Variants in DNAH8 observed in about 807,000 individuals in gnomAD.
DNAH8 encodes the protein axonemal beta dynein heavy chain 8.
In DNAH8, 382 loss-of-function variants were observed where a neutral mutation model predicts 562.1. The ratio of observed to expected loss-of-function variants is 0.68; its 90% CI spans 0.63 to 0.74. The LOEUF is 0.74. DNAH8 is among the 30% of genes least tolerant of loss of function. The probability of loss-of-function intolerance (pLI) is 0.00; values close to 1 mark genes in which losing one functional copy is unlikely to be tolerated. For missense variants in DNAH8, 5,203 were observed against 5,620.4 expected (o/e 0.93, Z 2.37); for synonymous variants, 1,881 against 1,919.4 (o/e 0.98, Z 0.52).
intron 82 of DNAH8, among the ~76,000 whole-genome samples, chr6:38,962,259 C>G (rs922565462): frequency 6.6e-6 from 1 of 151,994 alleles, no homozygotes; most frequent in Non-Finnish European, 1.5e-5. Flanking sequence ...GAAACTCAAG[C>G]ATCATTGTTT....
Position 38,853,278 on chromosome 6 carries a change from A to G in DNAH8, c.5664A>G (p.Arg1888=). 6.2e-7 allele frequency: 1 copy of G among 1,613,402 alleles called. No individual in the cohort carries two copies. Residue 1888 remains arginine (R), a synonymous_variant, in exon 41 of 93, where the codon AGA becomes AGG. Transcript: ENST00000327475. ...MQMSSLHNII[R]SAFYQISDSG... is the part of the protein sequence containing the mutation. ...TGTCATCATTACATAATATAATTAGATCCGCTTTCTATCAAATCAGTGATT... is the reference window on the plus strand; with the variant it reads ...TGTCATCATTACATAATATAATTAGGTCCGCTTTCTATCAAATCAGTGATT...
intron 21 of DNAH8, among the ~76,000 whole-genome samples, chr6:38,802,055 C>G (rs557192451): frequency 9.9e-5 from 15 of 151,988 alleles, no homozygotes; most frequent in African/African-American, 3.6e-4. Flanking sequence ...GCCTCAACCT[C>G]CTGAGTAGGT....
chr6:38,776,814 G>T (rs1326473396), intron 13 of DNAH8, among the ~76,000 whole-genome samples: 1 of 152,254 alleles, frequency 6.6e-6, no homozygotes, highest in East Asian at 1.9e-4. Context: ...CACCTTTTGG[G>T]CTATATGACC....
Position 38,728,975 on chromosome 6 carries a change from G to A in DNAH8, c.526-927G>A, listed in dbSNP as rs576867306. Among the ~76,000 whole-genome samples the A allele has an allele frequency of 2.0e-5, 3 of 152,278 alleles. No individual in the cohort carries two copies. In the East Asian group the frequency reaches 5.8e-4, roughly 29 times the overall value. On this transcript the variant is annotated intron_variant, in intron 3 of 92. Coordinates refer to ENST00000327475, the MANE Select transcript of DNAH8 (RefSeq NM_001206927.2). Reference sequence around the variant, plus strand: ...AATCCCGGCATTTTGGGAGGCCAAGGCAGGAGCATCACTTGAGGTCAGTTC... The same window carrying A: ...AATCCCGGCATTTTGGGAGGCCAAGACAGGAGCATCACTTGAGGTCAGTTC...
chr6:38,726,283 A>G (rs1763211209), intron 3 of DNAH8, among the ~76,000 whole-genome samples: 2 of 152,212 alleles, frequency 1.3e-5, no homozygotes, highest in Non-Finnish European at 2.9e-5. Context: ...TGAAAGGGTA[A>G]CTGCTAGAAC....
At chr6:39,027,032 G>A (rs1438751798) in intron 92 of DNAH8, among the ~76,000 whole-genome samples, 1 of 151,946 alleles carries the variant, frequency 6.6e-6, no homozygotes, top group Non-Finnish European at 1.5e-5. Context: ...ACCAGCCTAG[G>A]CAACACTGGG....
chr6:39,005,219 C>T (rs1765727006), intron 88 of DNAH8, among the ~76,000 whole-genome samples: 2 of 152,116 alleles, frequency 1.3e-5, no homozygotes, highest in Admixed American at 6.5e-5. Context: ...CAAGACCAGC[C>T]TTGCCAAAAT....
intron 18 of DNAH8, among the ~76,000 whole-genome samples, chr6:38,787,547 G>A (rs1339886453): frequency 2.6e-5 from 4 of 151,662 alleles, no homozygotes; most frequent in South Asian, 2.1e-4. Context: ...CTAACATGAC[G>A]AAACTGGGTG....
At chr6:38,995,840 A>G (rs916036380) in intron 88 of DNAH8, among the ~76,000 whole-genome samples, 9 of 152,188 alleles carry the variant, frequency 5.9e-5, no homozygotes, top group Non-Finnish European at 1.3e-4. Flanking sequence ...GCCTCTCCTA[A>G]AGGAATGTAC....
At chr6:38,729,182 GAC>G (rs1053274702) in intron 3 of DNAH8, among the ~76,000 whole-genome samples, 2 of 151,556 alleles carry the variant, frequency 1.3e-5, no homozygotes, top group African/African-American at 4.9e-5. Flanking sequence ...CAGCCTGGGT[GAC>G]AGAGCGAAAC....
intron 81 of DNAH8, among the ~76,000 whole-genome samples, chr6:38,950,235 G>GTTA (rs1356205034): frequency 6.6e-6 from 1 of 150,554 alleles, no homozygotes; most frequent in East Asian, 1.9e-4. Context: ...TATGGTGGAT[G>GTTA]GGTAAGGCAG....
At position 38,889,093 on chromosome 6, in the gene DNAH8, G is replaced by A. The variant is rs139978311; in HGVS notation, c.8474-1559G>A. On this transcript the variant is annotated intron_variant, in intron 57 of 92. Coordinates refer to ENST00000327475, the MANE Select transcript of DNAH8 (RefSeq NM_001206927.2). ...TATACAAAAATGCTCATAGTGCAGC[G>A]TACACAATGGCAAAAACGTGAAATA... 1.2e-3 allele frequency among the ~76,000 whole-genome samples: 186 copies of A among 152,250 alleles called. 1 individual carries two copies. Among genetic ancestry groups the A allele is most frequent in the African/African-American group, 4.1e-3 (172 of 41,534 alleles).
At chr6:38,903,768 C>T (rs187720912) in intron 62 of DNAH8, among the ~76,000 whole-genome samples, 30 of 152,044 alleles carry the variant, frequency 2.0e-4, no homozygotes, top group African/African-American at 6.3e-4. Flanking sequence ...AGCACCACCA[C>T]GCCTGGCTCA....
In DNAH8 at chr6:38,741,993, G is replaced by A. The variant is rs182104834; in HGVS notation, c.1293+106G>A. The A allele has an allele frequency of 1.4e-3, 1,209 of 893,326 alleles. 11 individuals are homozygous for A. Among genetic ancestry groups the A allele is most frequent in the Middle Eastern group, 0.012 (36 of 2,962 alleles). 55.3% of individuals were successfully genotyped at this position (893,326 alleles called of 1,614,324 possible). A position where few individuals can be genotyped will look rare whatever the true frequency, so the allele number is the denominator to read the frequency against. ...TAATATACTGGAATCGTGTTTAGAA[G>A]TGTTAGCCTTTGAGTAAGGCTTTTA... On this transcript the variant is annotated intron_variant, in intron 8 of 92. Transcript: ENST00000327475.
chr6:38,940,631 A>C (rs1028572692), intron 79 of DNAH8, among the ~76,000 whole-genome samples: 1 of 152,162 alleles, frequency 6.6e-6, no homozygotes, highest in Non-Finnish European at 1.5e-5. Flanking sequence ...CTGGCTCTTA[A>C]AAGTTACCCC....
chr6:38,830,171 T>G (rs1356855541), intron 30 of DNAH8, among the ~76,000 whole-genome samples: 1 of 152,220 alleles, frequency 6.6e-6, no homozygotes, highest in Non-Finnish European at 1.5e-5. Flanking sequence ...TTTTTATCAT[T>G]TCTTTTCTTC....
Position 38,848,675 on chromosome 6 carries a change from C to G in DNAH8, c.5073C>G (p.Ile1691Met). 1.2e-6 allele frequency: 2 copies of G among 1,610,734 alleles called. No homozygotes were observed. Among genetic ancestry groups the G allele is most frequent in the Non-Finnish European group, 8.5e-7 (1 of 1,177,608 alleles). ...ACAATGCTCCATTTAAAAAAAATATCCAGAATTGGGTGTATAAATTGTCCA... is the reference window on the plus strand; with the variant it reads ...ACAATGCTCCATTTAAAAAAAATATGCAGAATTGGGTGTATAAATTGTCCA... ...NRYNAPFKKN[I>M]QNWVYKLSTS... The change falls in exon 37 of 93, where the codon ATC becomes ATG. Residue 1691 changes from isoleucine to methionine, a missense_variant. Physicochemically the swap from Ile to Met is conservative, Grantham distance 10. Coordinates refer to ENST00000327475, the MANE Select transcript of DNAH8 (RefSeq NM_001206927.2).
intron 91 of DNAH8, among the ~76,000 whole-genome samples, chr6:39,015,803 G>A (rs1335532464): frequency 2.0e-5 from 3 of 152,036 alleles, no homozygotes; most frequent in Non-Finnish European, 2.9e-5. Flanking sequence ...TTTCAAGTTA[G>A]ACTTTGATTC....
rs760009650 is a variant in DNAH8, at chr6:38,845,778, T to A, written c.5045+5T>A. ...AGGGTCTTTACTCAGCAACAGGTAA[T>A]TTTATAATTTGAGAGAGAGATTTAA... On this transcript the variant is annotated splice_donor_5th_base_variant and intron_variant, in intron 36 of 92. Coordinates refer to ENST00000327475, the MANE Select transcript of DNAH8 (RefSeq NM_001206927.2). 4.4e-6 allele frequency: 7 copies of A among 1,604,838 alleles called. No individual in the cohort carries two copies. In the East Asian group the frequency reaches 1.1e-4, roughly 26 times the overall value.
Sources: gnomAD v4.1 joint callset for allele counts (sites outside exome capture counted in the v4.1 genomes callset) on GRCh38, gnomAD v4.1.1 for gene constraint, MANE v1.5 for transcripts, NCBI Gene and HGNC (gene_info 2026-07-23, HGNC 2026-07-21) for gene names.